Variants in ST3GAL3 observed in about 807,000 individuals in gnomAD.
ST3GAL3 encodes CMP-N-acetylneuraminate-beta-1,4-galactoside alpha-2,3-sialyltransferase.
ST3GAL3 carries 21 observed loss-of-function variants against 50.1 expected under a neutral mutation model. The observed-to-expected ratio is 0.42, with a 90% confidence interval of 0.30 to 0.60. The LOEUF is 0.60. Among genes scored for constraint, ST3GAL3 ranks in the 20% least tolerant of loss-of-function variants. ST3GAL3 has a pLI of 0.19. For synonymous variants in ST3GAL3, 183 were observed against 190.0 expected (o/e 0.96, Z 0.30); for missense variants, 353 against 489.4 (o/e 0.72, Z 2.63).
At chr1:43,875,711 C>T (rs1482896513) in intron 5 of ST3GAL3, among the ~76,000 whole-genome samples, 1 of 152,036 alleles carries the variant, frequency 6.6e-6, no homozygotes, top group Non-Finnish European at 1.5e-5. Context: ...TGAGGCCTCC[C>T]CAGCCATGCA....
At chr1:43,898,331 C>CTGGTGGTGT (rs1558780842) in intron 7 of ST3GAL3, 33 bp downstream of exon 7, 1 of 1,609,956 alleles carries the variant, frequency 6.2e-7, no homozygotes, top group Non-Finnish European at 8.5e-7. Flanking sequence ...TCCTACCCAC[C>CTGGTGGTGT]GCTGCCTGGT....
intron 1 of ST3GAL3, among the ~76,000 whole-genome samples, chr1:43,721,826 C>G (rs1002406739): frequency 2.0e-5 from 3 of 152,068 alleles, no homozygotes; most frequent in African/African-American, 7.2e-5. Flanking sequence ...GTCTTGAACT[C>G]CTGACCTAAG....
chr1:43,829,995 C>CTTTTTTTT (rs71579312), intron 4 of ST3GAL3, among the ~76,000 whole-genome samples: 6 of 70,110 alleles, frequency 8.6e-5, no homozygotes, highest in Admixed American at 2.3e-4. Context: ...ATAAAAATTC[C>CTTTTTTTT]TTTTTTTTTT....
At chr1:43,784,391 C>T (rs1290777317) in intron 2 of ST3GAL3, among the ~76,000 whole-genome samples, 1 of 152,148 alleles carries the variant, frequency 6.6e-6, no homozygotes, top group Non-Finnish European at 1.5e-5. Context: ...TGCCTGTAGT[C>T]CCAGCTACTT....
At chr1:43,903,448 C>T (rs2154275568) in intron 9 of ST3GAL3, among the ~76,000 whole-genome samples, 1 of 152,248 alleles carries the variant, frequency 6.6e-6, no homozygotes, top group Middle Eastern at 3.4e-3. Context: ...GCCTCCTCTT[C>T]CTCCTCCTCC....
chr1:43,745,533 A>G (rs562657252), intron 2 of ST3GAL3, among the ~76,000 whole-genome samples: 10 of 152,380 alleles, frequency 6.6e-5, no homozygotes, highest in Middle Eastern at 3.4e-3. Flanking sequence ...CATACACTGC[A>G]TAGCAGCATT....
intron 5 of ST3GAL3, among the ~76,000 whole-genome samples, chr1:43,856,459 G>A (rs1273849754): frequency 2.0e-5 from 3 of 152,290 alleles, no homozygotes; most frequent in South Asian, 4.1e-4. Context: ...TCTGAACCAT[G>A]GACCTAGAGG....
intron 1 of ST3GAL3, among the ~76,000 whole-genome samples, chr1:43,719,738 GC>G (rs1299318811): frequency 5.9e-5 from 9 of 151,370 alleles, no homozygotes. Context: ...TTGGAGACCA[GC>G]CTGGCCAACA....
intron 4 of ST3GAL3, among the ~76,000 whole-genome samples, chr1:43,837,008 G>C (rs909279787): frequency 1.3e-5 from 2 of 152,182 alleles, no homozygotes; most frequent in Non-Finnish European, 2.9e-5. Flanking sequence ...GAGACTGTCA[G>C]GGTCATTTTG....
intron 3 of ST3GAL3, among the ~76,000 whole-genome samples, chr1:43,807,687 G>C (rs1480733660): frequency 1.3e-5 from 2 of 152,158 alleles, no homozygotes; most frequent in Non-Finnish European, 2.9e-5. Flanking sequence ...AGTAAAGCTG[G>C]CTTGGCCGAG....
intron 11 of ST3GAL3, among the ~76,000 whole-genome samples, chr1:43,926,105 T>C (rs2154298436): frequency 6.6e-6 from 1 of 152,244 alleles, no homozygotes; most frequent in South Asian, 2.1e-4. Flanking sequence ...ATGACGTGGC[T>C]TCATACGGGA....
rs34096962 is a variant in ST3GAL3 at position 43,754,925 on chromosome 1, C to CAAA, written c.118+18554_118+18556dup. ...TAGGTGATAGAGCAAAACCCTGTCT[C>CAAA]AAAAAAAAAAACATAATAAAAGATT... On this transcript the variant is annotated intron_variant, in intron 2 of 11. Transcript: ENST00000347631. 6.7e-4 allele frequency among the ~76,000 whole-genome samples: 96 copies of CAAA among 143,366 alleles called. 1 individual carries two copies. The highest frequency in any genetic ancestry group is 1.2e-3 in the Admixed American group (17 of 14,276). The allele number at this position is 143,366 out of a possible 152,430, so 94.1% of individuals were successfully genotyped here. A position where few individuals can be genotyped will look rare whatever the true frequency, so the allele number is the denominator to read the frequency against.
chr1:43,762,923 C>G (rs1025270969), intron 2 of ST3GAL3, among the ~76,000 whole-genome samples: 6 of 152,016 alleles, frequency 3.9e-5, no homozygotes, highest in Non-Finnish European at 8.8e-5. Flanking sequence ...AAGGAGCAGC[C>G]AGACAGATAG....
chr1:43,717,052 G>A (rs757516681), intron 1 of ST3GAL3, among the ~76,000 whole-genome samples: 1 of 152,164 alleles, frequency 6.6e-6, no homozygotes, highest in Non-Finnish European at 1.5e-5. Context: ...CCTTAGCGTG[G>A]CTTGTAATCC....
At chr1:43,726,119 ACTT>A (rs778033070) in intron 1 of ST3GAL3, among the ~76,000 whole-genome samples, 2 of 152,108 alleles carry the variant, frequency 1.3e-5, no homozygotes, top group African/African-American at 2.4e-5. Context: ...TTTTGAAATA[ACTT>A]CTTATTTACA....
intron 3 of ST3GAL3, among the ~76,000 whole-genome samples, chr1:43,797,312 A>G (rs1006718883): frequency 6.6e-6 from 1 of 152,224 alleles, no homozygotes; most frequent in Non-Finnish European, 1.5e-5. Context: ...TCCAATTGGA[A>G]CAACAGAGAA....
chr1:43,755,473 A>C (rs1031349318), intron 2 of ST3GAL3, among the ~76,000 whole-genome samples: 2 of 152,212 alleles, frequency 1.3e-5, no homozygotes, highest in African/African-American at 4.8e-5. Context: ...GTATACACAT[A>C]TGCTTTAGCT....
In ST3GAL3 at chr1:43,899,304, C is replaced by T; in HGVS notation, c.557+41C>T. ...TGGCACCTCGGGTGAGTGTCGTGGCCCCAACCCTTAGTCCTGAGCCCATTG... is the reference window on the plus strand; with the variant it reads ...TGGCACCTCGGGTGAGTGTCGTGGCTCCAACCCTTAGTCCTGAGCCCATTG... On this transcript the variant is annotated intron_variant, in intron 8 of 11. Transcript: ENST00000347631. The surrounding 1 kb of genome is among the most constrained non-coding windows in gnomAD (Gnocchi z 5.4). The T allele has an allele frequency of 1.2e-6, 2 of 1,614,070 alleles. No individual in the cohort carries two copies. Among genetic ancestry groups the T allele is most frequent in the Non-Finnish European group, 8.5e-7 (1 of 1,180,020 alleles).
In ST3GAL3 at chr1:43,840,376, G is replaced by GT. The variant is rs2065176762; in HGVS notation, c.302+2066dup. 2.0e-5 allele frequency: 3 copies of GT among 152,184 alleles called. No homozygotes were observed. In the South Asian group the frequency reaches 6.2e-4, roughly 32 times the overall value. The allele number at this position is 152,184 out of a possible 1,614,324, so 9.4% of individuals were successfully genotyped here. On this transcript the variant is annotated intron_variant, in intron 5 of 11. Coordinates refer to ENST00000347631, the MANE Select transcript of ST3GAL3 (RefSeq NM_006279.5). ...TTGGGCAGGGACAAATATTCAAACT[G>GT]TATCATTTTGTCCCTGGCCTCCACA...
Sources: allele counts gnomAD v4.1 joint callset (sites outside exome capture counted in the v4.1 genomes callset), GRCh38; gene constraint gnomAD v4.1.1; non-coding constraint Gnocchi (gnomAD v3.1); transcripts MANE v1.5; gene names NCBI Gene and HGNC (gene_info 2026-07-23, HGNC 2026-07-21).